The following MTMR2 variants were observed in gnomAD, a reference collection of about 807,000 sequenced individuals.
MTMR2 encodes the protein phosphatidylinositol-3,5-bisphosphate 3-phosphatase MTMR2.
A neutral mutation model predicts 86.9 loss-of-function variants in MTMR2; 55 were observed. That is an observed-to-expected ratio of 0.63 (90% confidence interval 0.51 to 0.79). The LOEUF (loss-of-function observed/expected upper bound fraction) is 0.79. Among genes scored for constraint, MTMR2 ranks in the 30% least tolerant of loss-of-function variants. The pLI is 0.00. For missense variants in MTMR2, 659 were observed against 772.3 expected (o/e 0.85, Z 1.74); for synonymous variants, 241 against 266.8 (o/e 0.90, Z 0.94).
intron 1 of MTMR2, 82 bp downstream of exon 1, chr11:95,923,792 GA>G: frequency 6.6e-7 from 1 of 1,516,418 alleles, no homozygotes; most frequent in Non-Finnish European, 8.9e-7. Flanking sequence ...CAGAATCCGC[GA>G]ATTGGGGCAA....
intron 1 of MTMR2, among the ~76,000 whole-genome samples, chr11:95,905,523 G>A (rs1591042616): frequency 6.6e-6 from 1 of 152,080 alleles, no homozygotes; most frequent in East Asian, 1.9e-4. Context: ...TATGTACGGG[G>A]CTAAGAAACA....
At chr11:95,906,283 A>G (rs955328918) in intron 1 of MTMR2, among the ~76,000 whole-genome samples, 3 of 152,174 alleles carry the variant, frequency 2.0e-5, no homozygotes, top group African/African-American at 4.8e-5. Context: ...TGAGACAAAG[A>G]AGGGCATTAT....
intron 1 of MTMR2, among the ~76,000 whole-genome samples, chr11:95,901,859 GAC>G (rs1220619255): frequency 1.3e-5 from 2 of 152,016 alleles, no homozygotes; most frequent in Non-Finnish European, 2.9e-5. Flanking sequence ...GAACTACAGA[GAC>G]AGTAAGTATC....
intron 1 of MTMR2, among the ~76,000 whole-genome samples, chr11:95,899,661 A>G (rs1004693301): frequency 5.3e-5 from 8 of 151,398 alleles, no homozygotes; most frequent in Admixed American, 2.0e-4. Flanking sequence ...ACAGGAGCGC[A>G]GAGGAGGAAA....
At chr11:95,861,666 C>T (rs941009852) in intron 5 of MTMR2, among the ~76,000 whole-genome samples, 44 of 151,886 alleles carry the variant, frequency 2.9e-4, no homozygotes, top group African/African-American at 1.0e-3. Context: ...TGATGTGATC[C>T]ACCTGCCTCA....
chr11:95,888,272 C>A lies in MTMR2; in HGVS notation c.81-11G>T. On this transcript the variant is annotated splice_polypyrimidine_tract_variant and intron_variant, in intron 1 of 14. Transcript: ENST00000346299. ...TGAGAAGTGGAGGCACTACAAAATA[C>A]AAAAGTACAGTATGTTGGAAAAATG... The A allele has an allele frequency of 6.3e-7, 1 of 1,578,154 alleles. No homozygotes were observed. Among genetic ancestry groups the A allele is most frequent in the Non-Finnish European group, 8.7e-7 (1 of 1,150,816 alleles).
chr11:95,872,510 T>G (rs967220431), intron 2 of MTMR2, among the ~76,000 whole-genome samples: 2 of 152,232 alleles, frequency 1.3e-5, no homozygotes, highest in African/African-American at 4.8e-5. Context: ...AAGGAGATTT[T>G]GGGCTGAGAC....
chr11:95,918,561 A>C (rs1314344119), intron 1 of MTMR2, among the ~76,000 whole-genome samples: 3 of 152,220 alleles, frequency 2.0e-5, no homozygotes, highest in Non-Finnish European at 4.4e-5. Flanking sequence ...AAGAGAACTT[A>C]GATCTTTGAG....
intron 1 of MTMR2, among the ~76,000 whole-genome samples, chr11:95,892,692 G>A (rs1411321340): frequency 2.0e-5 from 3 of 152,076 alleles, no homozygotes; most frequent in Non-Finnish European, 4.4e-5. Context: ...ACACTCTGTC[G>A]CATATGTTCA....
intron 1 of MTMR2, among the ~76,000 whole-genome samples, chr11:95,913,763 A>AAAAAGAAAG: frequency 6.6e-6 from 1 of 152,168 alleles, no homozygotes; most frequent in East Asian, 1.9e-4. Context: ...AGGAGGGGAA[A>AAAAAGAAAG]AAAAGAAAGA....
Position 95,835,279 on chromosome 11 carries a change from CT to C in MTMR2, c.*10del. The C allele has an allele frequency of 6.2e-7, 1 of 1,612,364 alleles. No individual in the cohort carries two copies. The highest frequency in any genetic ancestry group is 1.7e-5 in the Admixed American group (1 of 59,798). ...AGTGTATAGCAATGATGCCCCTGAT[CT>C]TACAGTCCTTTATACAACAGTTTGG... On this transcript the variant is annotated 3_prime_UTR_variant, in exon 15 of 15. Coordinates refer to ENST00000346299, the MANE Select transcript of MTMR2 (RefSeq NM_016156.6).
At chr11:95,838,024 C>T in intron 13 of MTMR2, 70 bp downstream of exon 13, 3 of 980,230 alleles carry the variant, frequency 3.1e-6, no homozygotes, top group South Asian at 1.3e-5. Context: ...AAATCTGTCA[C>T]AGAGTACATT....
intron 1 of MTMR2, among the ~76,000 whole-genome samples, chr11:95,911,556 C>G (rs938198215): frequency 2.6e-5 from 4 of 152,140 alleles, no homozygotes; most frequent in African/African-American, 7.2e-5. Flanking sequence ...GTTTAAGGAG[C>G]TTCTCAGAAT....
intron 1 of MTMR2, among the ~76,000 whole-genome samples, chr11:95,891,061 C>G (rs1452012455): frequency 2.6e-5 from 4 of 152,130 alleles, no homozygotes; most frequent in African/African-American, 9.7e-5. Flanking sequence ...GAGAAAAACT[C>G]TTAAAGGCAA....
chr11:95,918,151 T>C (rs1866777508), intron 1 of MTMR2, among the ~76,000 whole-genome samples: 1 of 152,230 alleles, frequency 6.6e-6, no homozygotes, highest in South Asian at 2.1e-4. Context: ...AACTTAGTTT[T>C]AACTAATGTT....
chr11:95,882,333 AC>A (rs1865357090), intron 2 of MTMR2: 2 of 152,104 alleles, frequency 1.3e-5, no homozygotes, highest in African/African-American at 4.8e-5. Context: ...CCCCGTCTCT[AC>A]TAAAAATACA....
intron 2 of MTMR2, among the ~76,000 whole-genome samples, chr11:95,873,515 C>A (rs190873902): frequency 6.7e-6 from 1 of 150,120 alleles, no homozygotes; most frequent in Non-Finnish European, 1.5e-5. Context: ...TTTGTTCTAG[C>A]GGTCTACCAA....
At chr11:95,912,995 C>A (rs1866566717) in intron 1 of MTMR2, 1 of 152,020 alleles carries the variant, frequency 6.6e-6, no homozygotes, top group Non-Finnish European at 1.5e-5. Context: ...AAACTTAAAT[C>A]CAGGTAGAAA....
rs961755765 is a variant in MTMR2, at chr11:95,875,435, T to C, written c.187-9759A>G. On this transcript the variant is annotated intron_variant, in intron 2 of 14. Coordinates refer to ENST00000346299, the MANE Select transcript of MTMR2 (RefSeq NM_016156.6). ...CGTCACGTAGTTCTCATGCCACGGT[T>C]TTCAGCTCCATCAGGTCCTTTCAGG... Among the ~76,000 whole-genome samples the C allele has an allele frequency of 2.0e-5, 3 of 152,230 alleles. No individual in the cohort carries two copies. In the South Asian group the frequency reaches 6.2e-4, roughly 32 times the overall value.
Sources: gnomAD v4.1 joint callset for allele counts (sites outside exome capture counted in the v4.1 genomes callset) on GRCh38, gnomAD v4.1.1 for gene constraint, MANE v1.5 for transcripts, NCBI Gene and HGNC (gene_info 2026-07-23, HGNC 2026-07-21) for gene names.